The following COBLL1 variants were observed in gnomAD, a reference collection of about 807,000 sequenced individuals.
COBLL1 encodes the protein cordon-bleu protein-like 1.
In COBLL1, 50 loss-of-function variants were observed where a neutral mutation model predicts 94.8. The ratio of observed to expected loss-of-function variants is 0.53; its 90% CI spans 0.42 to 0.67. COBLL1 has a LOEUF of 0.67. COBLL1 is among the 30% of genes least tolerant of loss of function. The pLI, the probability that COBLL1 is intolerant of heterozygous loss-of-function variation, is 0.00. For missense variants in COBLL1, 1,362 were observed against 1,348.7 expected (o/e 1.01, Z -0.15); for synonymous variants, 448 against 473.8 (o/e 0.95, Z 0.71).
Position 164,686,213 on chromosome 2 carries a change from G to A in COBLL1, c.3301-181C>T, listed in dbSNP as rs1389478448. ...CTACCATAAAATTTAAAAAGAGAGA[G>A]TCGTTATTTTCACAACAAATAAGAT... is the stretch of plus-strand genomic sequence containing the variant. On this transcript the variant is annotated intron_variant, in intron 13 of 13. Transcript: ENST00000652658. 2.0e-5 allele frequency among the ~76,000 whole-genome samples: 3 copies of A among 152,178 alleles called. No homozygotes were observed. The East Asian group carries it at 5.8e-4, about 29-fold the overall frequency.
At chr2:164,686,165 A>G in intron 13 of COBLL1, 133 bp from the exon 14 acceptor site, 1 of 498,646 alleles carries the variant, frequency 2.0e-6, no homozygotes, top group South Asian at 3.4e-5. Context: ...TCAATAAATT[A>G]TAATCAAGAA....
chr2:164,716,877 A>G (rs1256731188), intron 7 of COBLL1, among the ~76,000 whole-genome samples: 6 of 152,216 alleles, frequency 3.9e-5, no homozygotes, highest in Non-Finnish European at 7.3e-5. Flanking sequence ...GCCAAAAAAT[A>G]TAAAATAAAT....
rs138608005 is a variant in COBLL1 at position 164,718,871 on chromosome 2, A to G, written c.996+3204T>C. Among the ~76,000 whole-genome samples the G allele has an allele frequency of 1.2e-4, 18 of 152,256 alleles. No homozygotes were observed. The East Asian group carries it at 2.5e-3, about 21-fold the overall frequency. ...ACACAGGATTTTTGCATCAGCAACAATAAGTCAAATCTTCTGGTTAGAGAT... is the reference window on the plus strand; with the variant it reads ...ACACAGGATTTTTGCATCAGCAACAGTAAGTCAAATCTTCTGGTTAGAGAT... On this transcript the variant is annotated intron_variant, in intron 7 of 13. Coordinates refer to ENST00000652658, the MANE Select transcript of COBLL1 (RefSeq NM_001365672.2).
rs374320968 is a variant in COBLL1, at chr2:164,743,751, T to A, written c.166A>T (p.Lys56Ter). The change falls in exon 3 of 14, where the codon AAA becomes TAA. Residue 56 changes from lysine (K) to a stop codon, truncating the protein, a stop_gained. Transcript: ENST00000652658. LOFTEE classifies it high-confidence loss of function. ...IMEQKENMID[K>*]DVELSVVLPG... is the part of the protein sequence containing the mutation. ...AGGACCACTGAGAGTTCAACGTCTT[T>A]ATCTATCATGTTTTCTTTCTGTTCC... 7 of 1,613,722 alleles carry A rather than the reference T, an allele frequency of 4.3e-6. No homozygotes were observed. The highest frequency in any genetic ancestry group is 5.9e-6 in the Non-Finnish European group (7 of 1,179,778).
chr2:164,818,272 G>GTATGTATACATATATGTATGTATACA lies in COBLL1; in HGVS notation c.41+22858_41+22883dup, dbSNP rs1285512277. On this transcript the variant is annotated intron_variant, in intron 2 of 13. Transcript: ENST00000652658. ...TGTGCATATACACATATACACGTATGTATGTATACATATATGTATGTATAC... is the reference window on the plus strand; with the variant it reads ...TGTGCATATACACATATACACGTATGTATGTATACATATATGTATGTATACATATGTATACATATATGTATGTATAC... Among the ~76,000 whole-genome samples the GTATGTATACATATATGTATGTATACA allele has an allele frequency of 2.4e-3, 279 of 116,544 alleles. 9 individuals carry two copies. The highest frequency in any genetic ancestry group is 5.7e-3 in the Middle Eastern group (1 of 176). The allele number at this position is 116,544 out of a possible 152,430, so 76.5% of individuals were successfully genotyped here.
At chr2:164,810,897 CT>C (rs35481864) in intron 2 of COBLL1, among the ~76,000 whole-genome samples, 1 of 151,908 alleles carries the variant, frequency 6.6e-6, no homozygotes. Flanking sequence ...AATTGCTTAA[CT>C]TCAAGTGACA....
At chr2:164,707,805 A>G (rs541554072) in intron 7 of COBLL1, among the ~76,000 whole-genome samples, 1 of 152,314 alleles carries the variant, frequency 6.6e-6, no homozygotes, top group East Asian at 1.9e-4. Context: ...CTTACAAGAC[A>G]ACGTAGGTAC....
At chr2:164,726,873 G>A in intron 5 of COBLL1, among the ~76,000 whole-genome samples, 1 of 151,960 alleles carries the variant, frequency 6.6e-6, no homozygotes, top group African/African-American at 2.4e-5. Context: ...TTCCCACACT[G>A]TTAGAATAAT....
At chr2:164,825,840 C>T (rs772438877) in intron 2 of COBLL1, among the ~76,000 whole-genome samples, 8 of 152,100 alleles carry the variant, frequency 5.3e-5, no homozygotes, top group Non-Finnish European at 1.0e-4. Context: ...TTATAGATTC[C>T]TCTTGCTCTT....
intron 2 of COBLL1, among the ~76,000 whole-genome samples, chr2:164,763,865 T>C (rs958722479): frequency 2.0e-5 from 3 of 152,210 alleles, no homozygotes; most frequent in African/African-American, 7.2e-5. Flanking sequence ...AAATTTTGCC[T>C]TTAAAGATTA....
At chr2:164,826,472 T>C in intron 2 of COBLL1, among the ~76,000 whole-genome samples, 1 of 152,226 alleles carries the variant, frequency 6.6e-6, no homozygotes, top group East Asian at 1.9e-4. Context: ...GCAATGTAGA[T>C]AATATTTAAG....
chr2:164,739,237 TC>T (rs1686473999), intron 3 of COBLL1, among the ~76,000 whole-genome samples: 1 of 152,118 alleles, frequency 6.6e-6, no homozygotes, highest in Non-Finnish European at 1.5e-5. Flanking sequence ...AATAAGTTTC[TC>T]CCTGAGCATA....
At chr2:164,714,624 G>T (rs1003009111) in intron 7 of COBLL1, among the ~76,000 whole-genome samples, 1 of 152,120 alleles carries the variant, frequency 6.6e-6, no homozygotes, top group Non-Finnish European at 1.5e-5. Context: ...AATTAAGGCT[G>T]GGAGCAGGCT....
intron 2 of COBLL1, among the ~76,000 whole-genome samples, chr2:164,828,217 C>T (rs941611691): frequency 1.3e-5 from 2 of 152,164 alleles, no homozygotes; most frequent in Non-Finnish European, 2.9e-5. Context: ...TTCACACAAA[C>T]TCAAATACCA....
At chr2:164,814,913 T>C (rs1472118765) in intron 2 of COBLL1, among the ~76,000 whole-genome samples, 3 of 152,294 alleles carry the variant, frequency 2.0e-5, no homozygotes, top group Non-Finnish European at 2.9e-5. Context: ...AAAATGACTA[T>C]ATTTGACATA....
intron 2 of COBLL1, among the ~76,000 whole-genome samples, chr2:164,782,350 T>C (rs1046493094): frequency 1.3e-5 from 2 of 152,194 alleles, no homozygotes; most frequent in African/African-American, 4.8e-5. Flanking sequence ...ATTATGTTTT[T>C]TAAATCACCT....
chr2:164,811,907 G>C (rs576257519), intron 2 of COBLL1, among the ~76,000 whole-genome samples: 1 of 151,950 alleles, frequency 6.6e-6, no homozygotes, highest in South Asian at 2.1e-4. Flanking sequence ...TAGCATTTTT[G>C]CTGAGGTTCA....
chr2:164,671,698 A>G (rs895515210), intron 1 of COBLL1, among the ~76,000 whole-genome samples: 8 of 152,140 alleles, frequency 5.3e-5, no homozygotes, highest in Non-Finnish European at 1.2e-4. Flanking sequence ...AGACAATGGA[A>G]TCGGTTACTG....
intron 5 of COBLL1, among the ~76,000 whole-genome samples, chr2:164,725,391 T>A (rs1291029881): frequency 6.6e-6 from 1 of 152,100 alleles, no homozygotes; most frequent in Non-Finnish European, 1.5e-5. Flanking sequence ...GGTTGTGCAA[T>A]ACAATAAATA....
Sources: allele counts gnomAD v4.1 joint callset (sites outside exome capture counted in the v4.1 genomes callset), GRCh38; gene constraint gnomAD v4.1.1; transcripts MANE v1.5; gene names NCBI Gene and HGNC (gene_info 2026-07-23, HGNC 2026-07-21).